BMPER: variants seen among roughly 807,000 people sequenced by gnomAD.
BMPER encodes the protein BMP binding endothelial regulator, also known as BMP-binding endothelial regulator protein.
A neutral mutation model predicts 87.3 loss-of-function variants in BMPER; 45 were observed. The ratio of observed to expected loss-of-function variants is 0.52; its 90% CI spans 0.41 to 0.66. BMPER has a LOEUF of 0.66. Among genes scored for constraint, BMPER ranks in the 30% least tolerant of loss-of-function variants. The pLI is 0.00. For synonymous variants in BMPER, 326 were observed against 316.2 expected, an observed-to-expected ratio of 1.03 and a Z score of -0.33; for missense variants, 784 against 867.5, an observed-to-expected ratio of 0.90 and a Z score of 1.21.
intron 6 of BMPER, among the ~76,000 whole-genome samples, chr7:34,026,928 G>A (rs117993810): frequency 3.9e-5 from 6 of 152,172 alleles, no homozygotes; most frequent in South Asian, 2.1e-4. Flanking sequence ...GGCTGGCTCC[G>A]TGGGTGGCTA....
At chr7:34,129,682 A>AAGAAAGAAAGAAAGAAAGAG (rs1489828774) in intron 13 of BMPER, among the ~76,000 whole-genome samples, 8 of 151,498 alleles carry the variant, frequency 5.3e-5, no homozygotes, top group South Asian at 2.1e-4. Context: ...GAAAGAAAGA[A>AAGAAAGAAAGAAAGAAAGAG]AACCTGCCAT....
intron 13 of BMPER, among the ~76,000 whole-genome samples, chr7:34,127,294 A>C (rs1324064508): frequency 2.6e-5 from 4 of 152,164 alleles, no homozygotes; most frequent in Non-Finnish European, 5.9e-5. Context: ...ACTCTGGCTC[A>C]ACCCTGTCTC....
chr7:34,051,722 G>C, intron 7 of BMPER, 139 bp from the exon 8 acceptor site: 1 of 754,874 alleles, frequency 1.3e-6, no homozygotes, highest in Non-Finnish European at 2.4e-6. Context: ...AGGCATGTCT[G>C]ACCCAAGACT....
chr7:34,023,780 G>A (rs1356761055), intron 6 of BMPER, among the ~76,000 whole-genome samples: 2 of 152,008 alleles, frequency 1.3e-5, no homozygotes, highest in African/African-American at 2.4e-5. Context: ...TCCAAGTTGT[G>A]TTTAGAATCC....
At chr7:33,960,281 G>A (rs556151644) in intron 3 of BMPER, among the ~76,000 whole-genome samples, 2 of 152,278 alleles carry the variant, frequency 1.3e-5, no homozygotes, top group East Asian at 1.9e-4. Flanking sequence ...ATAAAAGCCT[G>A]TTTTAAATGA....
chr7:33,973,140 GT>G (rs903316738), intron 5 of BMPER, among the ~76,000 whole-genome samples: 2 of 152,226 alleles, frequency 1.3e-5, no homozygotes, highest in African/African-American at 4.8e-5. Context: ...GATGGAAACA[GT>G]TTGCATAGAA....
Position 34,155,366 on chromosome 7 carries a change from C to T in BMPER, c.*2093C>T, listed in dbSNP as rs994099757. 4 of 152,156 alleles carry T rather than the reference C, an allele frequency of 2.6e-5. No homozygotes were observed. Among genetic ancestry groups the T allele is most frequent in the Non-Finnish European group, 5.9e-5 (4 of 68,032 alleles). The allele number at this position is 152,156 out of a possible 1,614,324, so 9.4% of individuals were successfully genotyped here. On this transcript the variant is annotated 3_prime_UTR_variant, in exon 15 of 15. Coordinates refer to ENST00000649409, the MANE Select transcript of BMPER (RefSeq NM_001365308.1). ...GAATTGTGGATGGTTATTTATAGCT[C>T]ATGATTCATCCAAGGACTGAGTTAT...
At chr7:34,031,328 C>T (rs1346169093) in intron 6 of BMPER, among the ~76,000 whole-genome samples, 1 of 151,976 alleles carries the variant, frequency 6.6e-6, no homozygotes, top group African/African-American at 2.4e-5. Flanking sequence ...AATGATTATC[C>T]CCCAGCCTCC....
chr7:33,930,605 ATCACT>A (rs1784459927), intron 2 of BMPER, among the ~76,000 whole-genome samples: 1 of 152,150 alleles, frequency 6.6e-6, no homozygotes, highest in South Asian at 2.1e-4. Context: ...TAGAGAGGTC[ATCACT>A]TCATTTTACA....
chr7:34,013,674 A>G (rs1055771687), intron 6 of BMPER, among the ~76,000 whole-genome samples: 1 of 151,898 alleles, frequency 6.6e-6, no homozygotes, highest in Non-Finnish European at 1.5e-5. Flanking sequence ...ACTCCATCAC[A>G]GTTGGTCTCA....
chr7:33,909,773 A>G (rs1284455945), intron 2 of BMPER, among the ~76,000 whole-genome samples: 1 of 152,178 alleles, frequency 6.6e-6, no homozygotes, highest in Non-Finnish European at 1.5e-5. Context: ...GGTGGCACAA[A>G]GTCCTGTATA....
intron 3 of BMPER, among the ~76,000 whole-genome samples, chr7:33,940,897 T>C (rs1264199585): frequency 1.5e-5 from 2 of 136,796 alleles, no homozygotes; most frequent in East Asian, 2.0e-4. Context: ...TAATAGAATT[T>C]ATATATATTA....
chr7:34,083,119 G>C (rs73314802), intron 12 of BMPER, among the ~76,000 whole-genome samples: 12,222 of 152,276 alleles, frequency 0.08, 1,618 homozygotes, highest in African/African-American at 0.28. Context: ...TTCACAGATT[G>C]AGTGTATCAG....
intron 3 of BMPER, among the ~76,000 whole-genome samples, chr7:33,965,126 G>C (rs1398460314): frequency 6.6e-6 from 1 of 152,096 alleles, no homozygotes; most frequent in Non-Finnish European, 1.5e-5. Flanking sequence ...GTGTGCTAGG[G>C]GTTCCTGTGG....
At chr7:34,099,579 T>A (rs1409970843) in intron 13 of BMPER, among the ~76,000 whole-genome samples, 1 of 152,238 alleles carries the variant, frequency 6.6e-6, no homozygotes, top group East Asian at 1.9e-4. Flanking sequence ...AGGAGAAATT[T>A]ATGGATTTCG....
At chr7:34,132,026 G>A (rs1326058738) in intron 13 of BMPER, among the ~76,000 whole-genome samples, 6 of 152,144 alleles carry the variant, frequency 3.9e-5, no homozygotes, top group African/African-American at 1.4e-4. Flanking sequence ...AACCCTAAGG[G>A]AGAGATTAGG....
chr7:34,036,208 C>T (rs1787661427), intron 6 of BMPER, among the ~76,000 whole-genome samples: 2 of 152,144 alleles, frequency 1.3e-5, no homozygotes, highest in Admixed American at 6.5e-5. Flanking sequence ...CTTGTAACAG[C>T]TTTGACTACT....
intron 13 of BMPER, among the ~76,000 whole-genome samples, chr7:34,119,011 C>G (rs1190993775): frequency 1.5e-5 from 2 of 131,572 alleles, no homozygotes; most frequent in Non-Finnish European, 3.1e-5. Flanking sequence ...CTCTCTCTCT[C>G]TCTCACACAC....
intron 14 of BMPER, among the ~76,000 whole-genome samples, chr7:34,149,779 A>G (rs1791124720): frequency 6.6e-6 from 1 of 152,118 alleles, no homozygotes; most frequent in Admixed American, 6.5e-5. Context: ...GTGGATATGG[A>G]CATTAGTGAA....
Sources: allele counts gnomAD v4.1 joint callset (sites outside exome capture counted in the v4.1 genomes callset), GRCh38; gene constraint gnomAD v4.1.1; transcripts MANE v1.5; gene names NCBI Gene and HGNC (gene_info 2026-07-23, HGNC 2026-07-21).